MTCH2: variants seen among roughly 807,000 people sequenced by gnomAD.
MTCH2 encodes mitochondrial carrier 2, also known as mitochondrial carrier homolog 2.
Under a neutral mutation model 50.6 loss-of-function variants are expected in MTCH2, and 25 were observed. The ratio of observed to expected loss-of-function variants is 0.49; its 90% CI spans 0.36 to 0.69. MTCH2 has a LOEUF of 0.69. MTCH2 is among the 30% of genes least tolerant of loss of function. The probability of loss-of-function intolerance (pLI) is 0.00; values close to 1 mark genes in which losing one functional copy is unlikely to be tolerated. For synonymous variants in MTCH2, 106 were observed against 132.0 expected (o/e 0.80, Z 1.35); for missense variants, 273 against 384.4 (o/e 0.71, Z 2.42).
downstream of MTCH2, among the ~76,000 whole-genome samples, chr11:47,613,973 C>CT (rs1482840660): frequency 6.6e-6 from 1 of 152,058 alleles, no homozygotes; most frequent in African/African-American, 2.4e-5. Flanking sequence ...GTAATCCCAG[C>CT]TACTTGGGAG....
rs976914331 is a variant in MTCH2, at chr11:47,618,654, A to C, written c.*179T>G. The stretch of plus-strand genomic sequence containing the variant: ...TCAGAATAACTAAAGGGGGAGTATC[A>C]GTGGTAAGTTATGTTGTGCTGGAAA... On this transcript the variant is annotated 3_prime_UTR_variant, in exon 13 of 13. Coordinates refer to ENST00000302503, the MANE Select transcript of MTCH2 (RefSeq NM_014342.4). 1 of 529,974 alleles carries C rather than the reference A, an allele frequency of 1.9e-6. No homozygotes were observed. The allele number at this position is 529,974 out of a possible 1,614,324, so 32.8% of individuals were successfully genotyped here.
intron 6 of MTCH2, 111 bp downstream of exon 6, chr11:47,631,543 A>C (rs914030865): frequency 9.6e-7 from 1 of 1,044,218 alleles, no homozygotes; most frequent in Non-Finnish European, 1.4e-6. Flanking sequence ...ACAAGCAAGC[A>C]AACAAAAACA....
chr11:47,618,134 T>C lies in MTCH2; in HGVS notation c.*699A>G, dbSNP rs1001215537. The C allele has an allele frequency of 2.6e-5, 4 of 152,232 alleles. No individual in the cohort carries two copies. The highest frequency in any genetic ancestry group is 5.9e-5 in the Non-Finnish European group (4 of 68,046). 9.4% of individuals were successfully genotyped at this position (152,232 alleles called of 1,614,324 possible). A position where few individuals can be genotyped will look rare whatever the true frequency, so the allele number is the denominator to read the frequency against. ...AAATCTTGCTTATTTTCTGTAATTGTCTTTTTCTTTGTTGTTGCTGACCCT... is the reference window on the plus strand; with the variant it reads ...AAATCTTGCTTATTTTCTGTAATTGCCTTTTTCTTTGTTGTTGCTGACCCT... On this transcript the variant is annotated 3_prime_UTR_variant, in exon 13 of 13. Coordinates refer to ENST00000302503, the MANE Select transcript of MTCH2 (RefSeq NM_014342.4).
Position 47,618,374 on chromosome 11 carries a change from T to C in MTCH2, c.*459A>G. 1 of 214,004 alleles carries C rather than the reference T, an allele frequency of 4.7e-6. No individual in the cohort carries two copies. The allele number at this position is 214,004 out of a possible 1,614,324, so 13.3% of individuals were successfully genotyped here. ...TAGAAGCATAATGGGAGTCAGATTC[T>C]GGTGCATGCTACTGACATTTTAGGG... is the stretch of plus-strand genomic sequence containing the variant. On this transcript the variant is annotated 3_prime_UTR_variant, in exon 13 of 13. Coordinates refer to ENST00000302503, the MANE Select transcript of MTCH2 (RefSeq NM_014342.4).
chr11:47,629,893 G>C (rs2097301470), intron 8 of MTCH2, among the ~76,000 whole-genome samples: 1 of 151,844 alleles, frequency 6.6e-6, no homozygotes, highest in African/African-American at 2.4e-5. Context: ...GAAAATACAA[G>C]TTAAGATGAT....
intron 3 of MTCH2, among the ~76,000 whole-genome samples, chr11:47,636,198 C>A (rs1340860374): frequency 6.6e-6 from 1 of 151,916 alleles, no homozygotes; most frequent in African/African-American, 2.4e-5. Context: ...CTTTGGGAGG[C>A]CAAGGCAGGT....
chr11:47,608,593 T>C, the MTCH2 span, among the ~76,000 whole-genome samples: 10 of 152,046 alleles, frequency 6.6e-5, no homozygotes, highest in African/African-American at 2.4e-4. Flanking sequence ...GCGGCACAAA[T>C]GTACAGAGCA....
At position 47,625,584 on chromosome 11, in the gene MTCH2, T is replaced by C. The variant is rs2097297330; in HGVS notation, c.749+90A>G. The C allele has an allele frequency of 1.5e-5, 15 of 968,802 alleles. No individual in the cohort carries two copies. In the South Asian group the frequency reaches 2.2e-4, roughly 14 times the overall value. The allele number at this position is 968,802 out of a possible 1,614,324, so 60.0% of individuals were successfully genotyped here. ...AATACCAATCAGAGATTGATACTGA[T>C]CATTCATCTTTCCTAAATTTCTACA... is the stretch of plus-strand genomic sequence containing the variant. On this transcript the variant is annotated intron_variant, in intron 11 of 12. Coordinates refer to ENST00000302503, the MANE Select transcript of MTCH2 (RefSeq NM_014342.4).
intron 10 of MTCH2, among the ~76,000 whole-genome samples, 174 bp downstream of exon 10, chr11:47,626,906 C>T (rs1176928017): frequency 2.0e-5 from 3 of 152,182 alleles, no homozygotes; most frequent in African/African-American, 7.2e-5. Flanking sequence ...AGCCATGGCG[C>T]CTGGCCGAAA....
chr11:47,610,968 C>G, the MTCH2 span, among the ~76,000 whole-genome samples: 5 of 152,154 alleles, frequency 3.3e-5, no homozygotes, highest in African/African-American at 1.2e-4. Flanking sequence ...CTTCTCATGC[C>G]GTATCCTGCT....
rs747160917 is a variant in MTCH2, at chr11:47,639,051, C to A, written c.88G>T (p.Val30Leu). Reference protein sequence around the residue: ...PLMYVKVLIQVGYEPLPPTIG... With the variant: ...PLMYVKVLIQLGYEPLPPTIG... ...GTTGGAGGAAGAGGCTCATATCCCA[C>A]CTTTAAAAACAATGGAATATATCAA... Residue 30 changes from valine to leucine, a missense_variant and splice_region_variant, in exon 2 of 13, where the codon GTG (valine) becomes TTG (leucine). Physicochemically the swap from Val to Leu is conservative, Grantham distance 32. Transcript: ENST00000302503. The A allele has an allele frequency of 6.2e-7, 1 of 1,606,448 alleles. No homozygotes were observed. Among genetic ancestry groups the A allele is most frequent in the South Asian group, 1.1e-5 (1 of 89,788 alleles).
At chr11:47,636,979 A>ATGGAGTTTCACTCTTGTCACCCAGC (rs1287615861) in intron 3 of MTCH2, among the ~76,000 whole-genome samples, 1 of 139,694 alleles carries the variant, frequency 7.2e-6, no homozygotes, top group African/African-American at 2.6e-5. Context: ...TTTTTTTTAG[A>ATGGAGTTTCACTCTTGTCACCCAGC]TGGAGTTTCA....
chr11:47,613,917 C>T (rs2097286885), downstream of MTCH2, among the ~76,000 whole-genome samples: 1 of 152,044 alleles, frequency 6.6e-6, no homozygotes, highest in African/African-American at 2.4e-5. Context: ...AAGCCCGTCT[C>T]TACTAAAAAT....
At chr11:47,621,255 C>G (rs969815326) in intron 12 of MTCH2, among the ~76,000 whole-genome samples, 1 of 152,144 alleles carries the variant, frequency 6.6e-6, no homozygotes, top group African/African-American at 2.4e-5. Context: ...ATTTCAAAGG[C>G]CTTTCTCTTA....
At chr11:47,641,479 T>C (rs1251979073) in intron 1 of MTCH2, among the ~76,000 whole-genome samples, 2 of 152,146 alleles carry the variant, frequency 1.3e-5, no homozygotes, top group Non-Finnish European at 2.9e-5. Flanking sequence ...TTCTAAAAAC[T>C]GTTCCATTCC....
chr11:47,639,811 C>T (rs1020356230), intron 1 of MTCH2, among the ~76,000 whole-genome samples: 3 of 151,912 alleles, frequency 2.0e-5, no homozygotes, highest in African/African-American at 4.8e-5. Context: ...GCACTCCAGC[C>T]GAGGCCGACA....
downstream of MTCH2, among the ~76,000 whole-genome samples, chr11:47,616,672 CT>C (rs1238307644): frequency 6.8e-6 from 1 of 147,960 alleles, no homozygotes; most frequent in Non-Finnish European, 1.5e-5. Flanking sequence ...GCATGTGTTT[CT>C]TTTTTTTTCT....
In MTCH2 at chr11:47,631,690, G is replaced by C; in HGVS notation, c.391C>G (p.Arg131Gly). 2 of 1,613,912 alleles carry C rather than the reference G, an allele frequency of 1.2e-6. No individual in the cohort carries two copies. Among genetic ancestry groups the C allele is most frequent in the Non-Finnish European group, 1.7e-6 (2 of 1,179,960 alleles). The change falls in exon 6 of 13, where the codon CGT becomes GGT. Residue 131 changes from arginine (R) to glycine (G), a missense_variant. Physicochemically the swap from Arg to Gly is moderately radical, Grantham distance 125. Coordinates refer to ENST00000302503, the MANE Select transcript of MTCH2 (RefSeq NM_014342.4). The part of the protein sequence containing the change: ...IKETTREMIA[R>G]SAATLITHPF... The stretch of plus-strand genomic sequence containing the variant: ...TGTGTGATGAGGGTAGCAGCAGAAC[G>C]AGCGATCATCTCTCGAGTTGTCTAG...
downstream of MTCH2, among the ~76,000 whole-genome samples, chr11:47,616,936 G>A (rs142735684): frequency 9.2e-5 from 14 of 152,008 alleles, no homozygotes; most frequent in Non-Finnish European, 1.5e-4. Flanking sequence ...CACCTGCCTC[G>A]GCCTCCCAAA....
Sources: allele counts gnomAD v4.1 joint callset (sites outside exome capture counted in the v4.1 genomes callset), GRCh38; gene constraint gnomAD v4.1.1; transcripts MANE v1.5; gene names NCBI Gene and HGNC (gene_info 2026-07-23, HGNC 2026-07-21).